Variants in TAS1R2 observed in about 807,000 individuals in gnomAD.
The protein encoded by TAS1R2 is taste receptor type 1 member 2.
A neutral mutation model predicts 49.3 loss-of-function variants in TAS1R2; 47 were observed. That is an observed-to-expected ratio of 0.95 (90% CI 0.75 to 1.22). The LOEUF is 1.22. TAS1R2 is among the 50% of genes most tolerant of loss of function. The pLI, the probability that TAS1R2 is intolerant of heterozygous loss-of-function variation, is 0.00. For missense variants in TAS1R2, 1,155 were observed against 1,122.1 expected (o/e 1.03, Z -0.42); for synonymous variants, 479 against 467.9 (o/e 1.02, Z -0.31).
chr1:18,843,104 A>G (rs564339316), intron 4 of TAS1R2, among the ~76,000 whole-genome samples: 2 of 152,346 alleles, frequency 1.3e-5, no homozygotes, highest in South Asian at 4.1e-4. Context: ...AATCACTGAC[A>G]TTCACTATCT....
chr1:18,847,806 G>A (rs570815881), intron 4 of TAS1R2, among the ~76,000 whole-genome samples: 52 of 152,218 alleles, frequency 3.4e-4, no homozygotes, highest in Admixed American at 6.5e-4. Context: ...ACATACCCAA[G>A]ACTGGACAAT....
chr1:18,847,801 C>T (rs937874523), intron 4 of TAS1R2, among the ~76,000 whole-genome samples: 1 of 152,162 alleles, frequency 6.6e-6, no homozygotes, highest in East Asian at 1.9e-4. Flanking sequence ...TAAAGACATA[C>T]CCAAGACTGG....
intron 4 of TAS1R2, among the ~76,000 whole-genome samples, chr1:18,844,248 G>A (rs1933877030): frequency 6.6e-6 from 1 of 152,196 alleles, no homozygotes; most frequent in Non-Finnish European, 1.5e-5. Context: ...CTGAAGGATG[G>A]ATATTCTTGA....
At chr1:18,843,634 A>G (rs944176797) in intron 4 of TAS1R2, among the ~76,000 whole-genome samples, 1 of 152,256 alleles carries the variant, frequency 6.6e-6, no homozygotes, top group Non-Finnish European at 1.5e-5. Context: ...CTGGGGCCAC[A>G]TGATCGAGGA....
rs1490897718 is a variant in TAS1R2 at position 18,839,600 on chromosome 1, T to C, written c.2519A>G (p.Ter840TrpextTer?). ...CCTCCCAGACGCCACCGGATGGCAC[T>C]AGTCCCTCCTCATGGTGTAGCCCTG... Residue 840 changes from the stop codon to tryptophan, a stop_lost, in exon 6 of 6, where the codon TAG (stop) becomes TGG (tryptophan). Transcript: ENST00000375371. 9 of 1,504,716 alleles carry C rather than the reference T, an allele frequency of 6.0e-6. 2 individuals are homozygous for C. The South Asian group carries it at 1.0e-4, about 17-fold the overall frequency. 93.2% of individuals were successfully genotyped at this position (1,504,716 alleles called of 1,614,324 possible). A position where few individuals can be genotyped will look rare whatever the true frequency, so the allele number is the denominator to read the frequency against.
chr1:18,847,267 G>A (rs552707956), intron 4 of TAS1R2, among the ~76,000 whole-genome samples: 1 of 152,338 alleles, frequency 6.6e-6, no homozygotes, highest in Admixed American at 6.5e-5. Flanking sequence ...GCCTGGAACA[G>A]ATTCTACCTC....
intron 4 of TAS1R2, among the ~76,000 whole-genome samples, 154 bp from the exon 5 acceptor site, chr1:18,842,006 T>G (rs1569658049): frequency 6.6e-6 from 1 of 150,852 alleles, no homozygotes; most frequent in East Asian, 1.9e-4. Context: ...AAAACTCTCA[T>G]GCTTCTAGCA....
exon 1 of TAS1R2, chr1:18,859,567 C>G (rs1335479345): frequency 1.9e-6 from 3 of 1,614,212 alleles, no homozygotes; most frequent in South Asian, 1.1e-5. Context: ...AGGAGGTAAT[C>G]CCCAGGCAGG....
At chr1:18,855,777 T>A (rs891160456) in intron 2 of TAS1R2, among the ~76,000 whole-genome samples, 1 of 152,210 alleles carries the variant, frequency 6.6e-6, no homozygotes, top group Non-Finnish European at 1.5e-5. Context: ...TCCCCCATCT[T>A]GGCTGGTGAT....
chr1:18,855,029 G>T, intron 2 of TAS1R2, 43 bp from the exon 3 acceptor site: 1 of 1,576,842 alleles, frequency 6.3e-7, no homozygotes, highest in Non-Finnish European at 8.6e-7. Flanking sequence ...GCCCCGCTGG[G>T]TGCTCTGCCC....
At chr1:18,855,342 C>T (rs1934120392) in intron 2 of TAS1R2, among the ~76,000 whole-genome samples, 1 of 152,152 alleles carries the variant, frequency 6.6e-6, no homozygotes, top group African/African-American at 2.4e-5. Context: ...GCCATCATCC[C>T]CATCATCTAG....
chr1:18,842,693 C>T (rs1933850188), intron 4 of TAS1R2, among the ~76,000 whole-genome samples: 1 of 152,092 alleles, frequency 6.6e-6, no homozygotes, highest in Non-Finnish European at 1.5e-5. Flanking sequence ...CATAACCCCA[C>T]AAAAAGACAA....
rs773946846 is a variant in TAS1R2, at chr1:18,849,493, C to G, written c.1315G>C (p.Asp439His). 6 of 1,614,184 alleles carry G rather than the reference C, an allele frequency of 3.7e-6. No homozygotes were observed. In the East Asian group the frequency reaches 1.3e-4, roughly 36 times the overall value. ...TGCAGAGCCACGTCCCCTTGCGGGTCGAAGAAGATTTGGTGGTCCAGGAGA... is the reference window on the plus strand; with the variant it reads ...TGCAGAGCCACGTCCCCTTGCGGGTGGAAGAAGATTTGGTGGTCCAGGAGA... Residue 439 changes from aspartate to histidine, a missense_variant, in exon 4 of 6, where the codon GAC becomes CAC. By Grantham distance (81) the Asp-to-His change is moderately conservative. Transcript: ENST00000375371.
At chr1:18,858,761 C>G (rs1383441154) in intron 1 of TAS1R2, among the ~76,000 whole-genome samples, 2 of 152,222 alleles carry the variant, frequency 1.3e-5, no homozygotes, top group South Asian at 4.1e-4. Context: ...TGCCTGGTGC[C>G]ATCACCTTCA....
At chr1:18,845,370 A>T (rs1202510656) in intron 4 of TAS1R2, among the ~76,000 whole-genome samples, 1 of 152,216 alleles carries the variant, frequency 6.6e-6, no homozygotes, top group Admixed American at 6.5e-5. Context: ...TTTTGAATGA[A>T]TGGCTTGTGT....
chr1:18,854,210 C>CA lies in TAS1R2; in HGVS notation c.1257+2dup. ...GCAGACTCTATGGCAGCCACCCCCT[C>CA]ACCTGCCAGGGGTAGACCACCCTCT... On this transcript the variant is annotated splice_region_variant and intron_variant, in intron 3 of 5. Coordinates refer to ENST00000375371, the Ensembl canonical transcript of TAS1R2. This position sits in a 1 kb window ranked among gnomAD's most constrained non-coding sequence, Gnocchi z 4.9. 1 of 1,610,932 alleles carries CA rather than the reference C, an allele frequency of 6.2e-7. No homozygotes were observed. The highest frequency in any genetic ancestry group is 1.1e-5 in the South Asian group (1 of 90,904).
rs535257286 is a variant in TAS1R2 at position 18,854,355 on chromosome 1, G to A, written c.1115C>T (p.Ser372Phe). Residue 372 changes from serine (S) to phenylalanine (F), a missense_variant, in exon 3 of 6, where the codon TCC becomes TTC. Ser to Phe is a radical substitution (Grantham distance 155). Transcript: ENST00000375371. This position sits in a 1 kb window ranked among gnomAD's most constrained non-coding sequence, Gnocchi z 4.9. The stretch of plus-strand genomic sequence containing the variant: ...AGAGAGCCTGAGAATGGTGTTGAAG[G>A]ACAAGGTGGCGTTCAGGCAGTTGTC... 3.7e-6 allele frequency: 6 copies of A among 1,613,936 alleles called. No homozygotes were observed. The African/African-American group carries it at 5.3e-5, about 14-fold the overall frequency.
rs1253905988 is a variant in TAS1R2, at chr1:18,854,589, G to A, written c.881C>T (p.Thr294Ile). 4.3e-6 allele frequency: 7 copies of A among 1,613,716 alleles called. No individual in the cohort carries two copies. Among genetic ancestry groups the A allele is most frequent in the South Asian group, 1.1e-5 (1 of 91,086 alleles). Residue 294 changes from threonine (T) to isoleucine (I), a missense_variant, in exon 3 of 6, where the codon ACT (threonine) becomes ATT (isoleucine). Physicochemically the swap from Thr to Ile is moderately conservative, Grantham distance 89. Coordinates refer to ENST00000375371, the Ensembl canonical transcript of TAS1R2. This position sits in a 1 kb window ranked among gnomAD's most constrained non-coding sequence, Gnocchi z 4.9. ...CTCGGAGGCGATCCACACGGCGCCA[G>A]TGAAGTTCTGGCGCAGCACCTCATT...
chr1:18,840,235 G>A (rs1226977388), exon 6 of TAS1R2: 2 of 1,614,058 alleles, frequency 1.2e-6, no homozygotes, highest in Non-Finnish European at 8.5e-7. Flanking sequence ...AGAGGCAGGT[G>A]GAGACCTTGG....
Sources: allele counts gnomAD v4.1 joint callset (sites outside exome capture counted in the v4.1 genomes callset), GRCh38; gene constraint gnomAD v4.1.1; non-coding constraint Gnocchi (gnomAD v3.1); transcripts MANE v1.5; gene names NCBI Gene and HGNC (gene_info 2026-07-23, HGNC 2026-07-21).